Variants in TTC6 observed in about 807,000 individuals in gnomAD.
The protein encoded by TTC6 is tetratricopeptide repeat protein 6.
In TTC6, 172 loss-of-function variants were observed where a neutral mutation model predicts 210.4. The observed-to-expected ratio is 0.82, with a 90% confidence interval of 0.72 to 0.93. TTC6 has a LOEUF of 0.93. Ranked by LOEUF, TTC6 falls within the 40% of genes least tolerant of loss-of-function variation. TTC6 has a pLI of 0.00. For missense variants in TTC6, 2,414 were observed against 2,318.1 expected (o/e 1.04, Z -0.85); for synonymous variants, 804 against 819.6 (o/e 0.98, Z 0.32).
chr14:37,775,878 CTTT>C (rs745631587), intron 14 of TTC6, among the ~76,000 whole-genome samples: 6 of 152,032 alleles, frequency 3.9e-5, no homozygotes, highest in African/African-American at 1.4e-4. Context: ...TAATGCCCTT[CTTT>C]GTCTTTTTTG....
chr14:37,798,389 G>T (rs1268017544), intron 20 of TTC6, among the ~76,000 whole-genome samples: 1 of 67,372 alleles, frequency 1.5e-5, no homozygotes, highest in Non-Finnish European at 4.9e-5. Flanking sequence ...ATTATAAAGG[G>T]TATCTTTAAA....
In TTC6 at chr14:37,649,597, C is replaced by T. The variant is rs572650344; in HGVS notation, c.939+26594C>T. Among the ~76,000 whole-genome samples, 14 of 152,270 alleles carry T rather than the reference C, an allele frequency of 9.2e-5. 1 individual carries two copies. Among genetic ancestry groups the T allele is most frequent in the East Asian group, 5.8e-4 (3 of 5,174 alleles). The stretch of plus-strand genomic sequence containing the variant: ...CCCAGGATTTTTGAAGCCCGAAAGC[C>T]GGAAAGAGGCTCTTGTCTGTAACTT... On this transcript the variant is annotated intron_variant, in intron 1 of 30. Coordinates refer to ENST00000553443, the Ensembl canonical transcript of TTC6.
chr14:37,794,887 C>T (rs915484253), intron 17 of TTC6, among the ~76,000 whole-genome samples: 3 of 151,990 alleles, frequency 2.0e-5, no homozygotes, highest in Non-Finnish European at 4.4e-5. Context: ...AGCCTGCATG[C>T]TGCTTGATTA....
At chr14:37,746,669 G>A (rs1042298074) in intron 10 of TTC6, among the ~76,000 whole-genome samples, 1 of 152,168 alleles carries the variant, frequency 6.6e-6, no homozygotes, top group East Asian at 1.9e-4. Flanking sequence ...TATGTGGGAG[G>A]CTGAGGGACT....
chr14:37,803,530 A>G (rs941030448), intron 20 of TTC6, among the ~76,000 whole-genome samples: 1 of 152,080 alleles, frequency 6.6e-6, no homozygotes, highest in East Asian at 1.9e-4. Context: ...TGTTCATTTT[A>G]ATTTAAATGG....
At chr14:37,599,864 C>G (rs1375331631) in intron 1 of TTC6, among the ~76,000 whole-genome samples, 1 of 152,170 alleles carries the variant, frequency 6.6e-6, no homozygotes, top group African/African-American at 2.4e-5. Flanking sequence ...GACCTGGGTC[C>G]CCGCGGCCGC....
At chr14:37,725,239 G>A (rs565216988) in intron 7 of TTC6, among the ~76,000 whole-genome samples, 41 of 125,114 alleles carry the variant, frequency 3.3e-4, no homozygotes, top group Middle Eastern at 8.8e-3. Context: ...ATGTTCATAT[G>A]TGTGTGTGTA....
chr14:37,638,589 A>G (rs1448484737), intron 1 of TTC6, among the ~76,000 whole-genome samples: 2 of 127,654 alleles, frequency 1.6e-5, no homozygotes, highest in Non-Finnish European at 1.6e-5. Context: ...AATTACAGGA[A>G]TGGAGAACAA....
At chr14:37,719,946 C>T (rs1344606927) in intron 6 of TTC6, among the ~76,000 whole-genome samples, 4 of 151,974 alleles carry the variant, frequency 2.6e-5, no homozygotes, top group East Asian at 3.9e-4. Context: ...TTGCAAAACA[C>T]GTATCCGGCA....
intron 1 of TTC6, among the ~76,000 whole-genome samples, chr14:37,604,638 CG>C (rs977613248): frequency 1.3e-4 from 19 of 151,848 alleles, no homozygotes; most frequent in African/African-American, 4.6e-4. Context: ...CAGGCAAACA[CG>C]GGGTTGTGGT....
intron 6 of TTC6, among the ~76,000 whole-genome samples, chr14:37,724,421 T>C (rs2095867649): frequency 6.6e-6 from 1 of 152,206 alleles, no homozygotes; most frequent in African/African-American, 2.4e-5. Context: ...CTAAGATCCA[T>C]CTCTAGATCA....
intron 20 of TTC6, among the ~76,000 whole-genome samples, chr14:37,797,851 T>C (rs1045033176): frequency 6.6e-6 from 1 of 152,092 alleles, no homozygotes; most frequent in African/African-American, 2.4e-5. Flanking sequence ...TGATAAAATT[T>C]CAGTTTTCTC....
intron 29 of TTC6, among the ~76,000 whole-genome samples, chr14:37,840,586 G>A (rs557042531): frequency 6.6e-6 from 1 of 152,140 alleles, no homozygotes; most frequent in Admixed American, 6.5e-5. Context: ...GAACATAGAT[G>A]CGACAATCCT....
rs140751197 is a variant in TTC6 at position 37,726,650 on chromosome 14, T to G, written c.1818+1648T>G. Reference sequence around the variant, plus strand: ...GATAGCATTTCATCATTTTTAATATTCTGAAATTGATATGGCTTAGGAATA... The same window carrying G: ...GATAGCATTTCATCATTTTTAATATGCTGAAATTGATATGGCTTAGGAATA... On this transcript the variant is annotated intron_variant, in intron 7 of 30. Transcript: ENST00000553443. 5.4e-3 allele frequency among the ~76,000 whole-genome samples: 817 copies of G among 152,266 alleles called. 6 individuals carry two copies. The highest frequency in any genetic ancestry group is 0.016 in the African/African-American group (683 of 41,574).
At chr14:37,621,935 G>T, upstream of TTC6, 2 of 614,208 alleles carry the variant, frequency 3.3e-6, no homozygotes, top group South Asian at 2.4e-5. Flanking sequence ...CAGGGAGCAC[G>T]GTGAGGTTCT....
At chr14:37,786,664 A>G (rs993192705) in intron 14 of TTC6, among the ~76,000 whole-genome samples, 5 of 152,196 alleles carry the variant, frequency 3.3e-5, no homozygotes, top group Admixed American at 2.6e-4. Flanking sequence ...CCCCAGTGAG[A>G]TGAACCCGGT....
At chr14:37,801,942 T>C (rs1178568837) in intron 20 of TTC6, among the ~76,000 whole-genome samples, 1 of 152,210 alleles carries the variant, frequency 6.6e-6, no homozygotes, top group Non-Finnish European at 1.5e-5. Context: ...GATACATGCA[T>C]GTGTATGTTC....
chr14:37,788,484 C>T (rs904892966), intron 15 of TTC6, among the ~76,000 whole-genome samples: 1 of 152,092 alleles, frequency 6.6e-6, no homozygotes, highest in Non-Finnish European at 1.5e-5. Flanking sequence ...CTTCTGAGGT[C>T]ACCCTTCTAA....
At chr14:37,625,005 A>G (rs1043235431) in intron 1 of TTC6, among the ~76,000 whole-genome samples, 5 of 152,092 alleles carry the variant, frequency 3.3e-5, no homozygotes, top group African/African-American at 1.2e-4. Flanking sequence ...ATTAGAATCA[A>G]GTGTATCTTG....
Sources: allele counts gnomAD v4.1 joint callset (sites outside exome capture counted in the v4.1 genomes callset), GRCh38; gene constraint gnomAD v4.1.1; transcripts MANE v1.5; gene names NCBI Gene and HGNC (gene_info 2026-07-23, HGNC 2026-07-21).